Variants in ZCCHC17 observed in about 807,000 individuals in gnomAD.
The protein encoded by ZCCHC17 is zinc finger CCHC-type containing 17, also known as zinc finger CCHC domain-containing protein 17.
In ZCCHC17, 18 loss-of-function variants were observed where a neutral mutation model predicts 30.6. The ratio of observed to expected loss-of-function variants is 0.59; its 90% CI spans 0.41 to 0.87. ZCCHC17 has a LOEUF of 0.87. Ranked by LOEUF, ZCCHC17 falls within the 40% of genes least tolerant of loss-of-function variation. The pLI is 0.00. For missense variants in ZCCHC17, 263 were observed against 284.2 expected, an observed-to-expected ratio of 0.93 and a Z score of 0.54; for synonymous variants, 88 against 92.4, an observed-to-expected ratio of 0.95 and a Z score of 0.27.
chr1:31,309,447 T>C (rs991051376), intron 1 of ZCCHC17, among the ~76,000 whole-genome samples: 5 of 152,154 alleles, frequency 3.3e-5, no homozygotes, highest in African/African-American at 1.2e-4. Flanking sequence ...CCCAAGTAGC[T>C]GGGACTACAG....
chr1:31,336,550 G>A (rs1040831636), intron 3 of ZCCHC17, among the ~76,000 whole-genome samples: 2 of 152,120 alleles, frequency 1.3e-5, no homozygotes, highest in African/African-American at 4.8e-5. Flanking sequence ...AAATAGAGAT[G>A]GGGTCTCGTT....
At chr1:31,342,330 C>T (rs1639078861) in intron 5 of ZCCHC17, among the ~76,000 whole-genome samples, 1 of 152,220 alleles carries the variant, frequency 6.6e-6, no homozygotes, top group African/African-American at 2.4e-5. Context: ...AGGCATGAGC[C>T]ACTACCGCTC....
chr1:31,346,505 C>G, intron 5 of ZCCHC17, 135 bp from the exon 6 acceptor site: 2 of 959,732 alleles, frequency 2.1e-6, no homozygotes, highest in Non-Finnish European at 1.5e-6. Flanking sequence ...TACTGCCTGT[C>G]TCGTTCTGTC....
intron 3 of ZCCHC17, chr1:31,333,069 C>A (rs892782931): frequency 2.0e-5 from 3 of 152,100 alleles, no homozygotes; most frequent in Non-Finnish European, 4.4e-5. Context: ...TTTCTATAAA[C>A]ATTTAATGGC....
In ZCCHC17 at chr1:31,310,085, A is replaced by G. The variant is rs201349405; in HGVS notation, c.-14A>G. The G allele has an allele frequency of 1.8e-4, 287 of 1,613,658 alleles. No individual in the cohort carries two copies. Among genetic ancestry groups the G allele is most frequent in the Non-Finnish European group, 2.4e-4 (283 of 1,179,858 alleles). On this transcript the variant is annotated 5_prime_UTR_variant, in exon 2 of 8. Coordinates refer to ENST00000344147, the MANE Select transcript of ZCCHC17 (RefSeq NM_016505.4). ...TTAATAGAAGAGAAATGGAGGAGCCATAGAATATTAAGGATGAATTCAGGA... is the reference window on the plus strand; with the variant it reads ...TTAATAGAAGAGAAATGGAGGAGCCGTAGAATATTAAGGATGAATTCAGGA...
At chr1:31,304,512 G>A (rs1464316665) in intron 1 of ZCCHC17, among the ~76,000 whole-genome samples, 1 of 151,720 alleles carries the variant, frequency 6.6e-6, no homozygotes, top group African/African-American at 2.4e-5. Flanking sequence ...TCGAACTCCT[G>A]GGCTCTAGTG....
intron 3 of ZCCHC17, among the ~76,000 whole-genome samples, chr1:31,326,330 C>T (rs1233022662): frequency 1.3e-5 from 2 of 152,022 alleles, no homozygotes; most frequent in Non-Finnish European, 2.9e-5. Context: ...GATAATAAAT[C>T]CATGCCTCTA....
intron 2 of ZCCHC17, among the ~76,000 whole-genome samples, chr1:31,316,211 C>T (rs990854690): frequency 5.9e-5 from 9 of 152,304 alleles, no homozygotes; most frequent in African/African-American, 1.2e-4. Context: ...AAACGATTTT[C>T]GTGCCTCAGC....
intron 3 of ZCCHC17, among the ~76,000 whole-genome samples, chr1:31,326,137 A>G (rs989394075): frequency 2.0e-5 from 3 of 152,174 alleles, no homozygotes; most frequent in Non-Finnish European, 2.9e-5. Context: ...TTTTCTTTAT[A>G]TAGTTTAAAT....
intron 7 of ZCCHC17, among the ~76,000 whole-genome samples, chr1:31,349,664 TA>T: frequency 6.6e-6 from 1 of 152,310 alleles, no homozygotes; most frequent in East Asian, 1.9e-4. Context: ...AATACAGATA[TA>T]TATAGCTACA....
chr1:31,300,255 T>C (rs569544649), intron 1 of ZCCHC17, among the ~76,000 whole-genome samples: 7 of 152,278 alleles, frequency 4.6e-5, no homozygotes, highest in Non-Finnish European at 1.0e-4. Context: ...AGATAAGGTC[T>C]TGCCATGTTG....
intron 1 of ZCCHC17, among the ~76,000 whole-genome samples, chr1:31,297,663 G>T (rs550957951): frequency 2.0e-5 from 3 of 152,294 alleles, no homozygotes; most frequent in South Asian, 4.1e-4. Context: ...GTTAAACAAT[G>T]ACCTCACTAA....
At chr1:31,313,322 C>T (rs1646652006) in intron 2 of ZCCHC17, among the ~76,000 whole-genome samples, 1 of 152,140 alleles carries the variant, frequency 6.6e-6, no homozygotes, top group South Asian at 2.1e-4. Context: ...GATCTGCCCA[C>T]CTCAGCCTCC....
At chr1:31,363,665 C>T (rs887241418) in intron 7 of ZCCHC17, among the ~76,000 whole-genome samples, 21 of 152,074 alleles carry the variant, frequency 1.4e-4, no homozygotes, top group Admixed American at 1.4e-3. Context: ...ACCTGTGGTC[C>T]CAGCTACTTG....
rs747100356 is a variant in ZCCHC17, at chr1:31,338,944, T to G, written c.226-13T>G. The G allele has an allele frequency of 2.3e-5, 36 of 1,583,212 alleles. No homozygotes were observed. Among genetic ancestry groups the G allele is most frequent in the African/African-American group, 2.7e-5 (2 of 73,006 alleles). On this transcript the variant is annotated splice_polypyrimidine_tract_variant and intron_variant, in intron 4 of 7. Transcript: ENST00000344147. ...ATTTAAAGTTTTTGGTGACTTTTTT[T>G]GGTCTCTTTCAGATGAAAAATGATA... is the stretch of plus-strand genomic sequence containing the variant.
Position 31,337,737 on chromosome 1 carries a change from C to T in ZCCHC17, c.225+462C>T, listed in dbSNP as rs58855236. Among the ~76,000 whole-genome samples, 1,298 of 152,246 alleles carry T rather than the reference C, an allele frequency of 8.5e-3. 20 individuals carry two copies. The highest frequency in any genetic ancestry group is 0.029 in the African/African-American group (1,219 of 41,534). On this transcript the variant is annotated intron_variant, in intron 4 of 7. Coordinates refer to ENST00000344147, the MANE Select transcript of ZCCHC17 (RefSeq NM_016505.4). ...CAGAAAGTGAAAAAAATCTGAAGGA[C>T]CCTGTTACTCACTTGAGGGTATGAG... is the stretch of plus-strand genomic sequence containing the variant.
chr1:31,346,704 G>C lies in ZCCHC17; in HGVS notation c.382G>C (p.Val128Leu). 6.2e-7 allele frequency: 1 copy of C among 1,614,152 alleles called. No homozygotes were observed. The highest frequency in any genetic ancestry group is 8.5e-7 in the Non-Finnish European group (1 of 1,180,034). The change falls in exon 6 of 8, where the codon GTC (valine) becomes CTC (leucine). Residue 128 changes from valine (V) to leucine (L), a missense_variant. Physicochemically the swap from Val to Leu is conservative, Grantham distance 32. Transcript: ENST00000344147. ...YTGQKITLEA[V>L]LNTTCKKCGC... is the part of the protein sequence containing the mutation. The stretch of plus-strand genomic sequence containing the variant: ...TGGGCAGAAGATCACCCTTGAGGCT[G>C]TCTTGAACACTACCTGCAAGAAGTG...
At chr1:31,348,748 C>T (rs1356176584) in intron 6 of ZCCHC17, 81 bp from the exon 7 acceptor site, 1 of 1,558,992 alleles carries the variant, frequency 6.4e-7, no homozygotes, top group East Asian at 2.2e-5. Flanking sequence ...TAGCCCATTT[C>T]AGGAGACTTG....
intron 1 of ZCCHC17, among the ~76,000 whole-genome samples, chr1:31,301,407 A>AT (rs777690849): frequency 6.6e-6 from 1 of 152,238 alleles, no homozygotes; most frequent in African/African-American, 2.4e-5. Flanking sequence ...TTGTGTCCTC[A>AT]TTTTTAAAAT....
Sources: allele counts gnomAD v4.1 joint callset (sites outside exome capture counted in the v4.1 genomes callset), GRCh38; gene constraint gnomAD v4.1.1; transcripts MANE v1.5; gene names NCBI Gene and HGNC (gene_info 2026-07-23, HGNC 2026-07-21).